Variants in GARNL3 observed in about 807,000 individuals in gnomAD.
GARNL3 encodes the protein GTPase-activating Rap/Ran-GAP domain-like protein 3.
GARNL3 carries 63 observed loss-of-function variants against 125.0 expected under a neutral mutation model. That is an observed-to-expected ratio of 0.50 (90% CI 0.41 to 0.62). GARNL3 has a LOEUF of 0.62. GARNL3 is among the 20% of genes least tolerant of loss of function. The pLI is 0.00. For missense variants in GARNL3, 994 were observed against 1,244.0 expected (o/e 0.80, Z 3.02); for synonymous variants, 439 against 457.5 (o/e 0.96, Z 0.52).
At chr9:127,241,205 C>G (rs922653119) in intron 1 of GARNL3, among the ~76,000 whole-genome samples, 1 of 152,164 alleles carries the variant, frequency 6.6e-6, no homozygotes, top group East Asian at 1.9e-4. Context: ...CCTGCTTCCT[C>G]CACTCCCTCA....
chr9:127,352,758 C>G (rs1019195048), intron 17 of GARNL3, among the ~76,000 whole-genome samples: 1 of 152,174 alleles, frequency 6.6e-6, no homozygotes, highest in Non-Finnish European at 1.5e-5. Context: ...GGTGAAAGCT[C>G]TGCTCCCTCC....
intron 13 of GARNL3, among the ~76,000 whole-genome samples, chr9:127,341,323 G>A (rs563464828): frequency 3.3e-5 from 5 of 152,186 alleles, no homozygotes; most frequent in Admixed American, 1.3e-4. Context: ...CAAGTGAGGC[G>A]GGCTGAGTGG....
At chr9:127,253,159 T>G (rs560479501) in intron 2 of GARNL3, among the ~76,000 whole-genome samples, 1 of 152,180 alleles carries the variant, frequency 6.6e-6, no homozygotes, top group Non-Finnish European at 1.5e-5. Context: ...CTCATGGGCT[T>G]GACCCTACAG....
Position 127,280,149 on chromosome 9 carries a change from G to T in GARNL3, c.145-11019G>T, listed in dbSNP as rs112641202. On this transcript the variant is annotated intron_variant, in intron 1 of 27. Transcript: ENST00000373387. This position sits in a 1 kb window ranked among gnomAD's most constrained non-coding sequence, Gnocchi z 4.5. Reference sequence around the variant, plus strand: ...AGCCTGAGAAAATGCCAGCTGTCTAGATCAAAAAACAGGATGCAGATTGTG... The same window carrying T: ...AGCCTGAGAAAATGCCAGCTGTCTATATCAAAAAACAGGATGCAGATTGTG... 6.6e-6 allele frequency among the ~76,000 whole-genome samples: 1 copy of T among 152,192 alleles called. No individual in the cohort carries two copies. Among genetic ancestry groups the T allele is most frequent in the Admixed American group, 6.5e-5 (1 of 15,284 alleles).
In GARNL3 at chr9:127,305,075, C is replaced by T. The variant is rs376069416; in HGVS notation, c.220-6561C>T. Among the ~76,000 whole-genome samples, 115 of 152,254 alleles carry T rather than the reference C, an allele frequency of 7.6e-4. 1 individual carries two copies. Among genetic ancestry groups the T allele is most frequent in the African/African-American group, 2.7e-3 (113 of 41,554 alleles). ...TCGTAACGCTCAAGAGCAGGTAAAA[C>T]GAATCCATGGTGATAGAAGTTAGGA... On this transcript the variant is annotated intron_variant, in intron 2 of 27. Coordinates refer to ENST00000373387, the MANE Select transcript of GARNL3 (RefSeq NM_032293.5).
At chr9:127,311,844 C>T (rs777235839) in intron 3 of GARNL3, 109 bp downstream of exon 3, 1 of 698,670 alleles carries the variant, frequency 1.4e-6, no homozygotes, top group Non-Finnish European at 2.5e-6. Flanking sequence ...TTTAGGAACA[C>T]TAACATCAGG....
intron 2 of GARNL3, among the ~76,000 whole-genome samples, chr9:127,244,716 A>C (rs1320840854): frequency 6.6e-6 from 1 of 152,248 alleles, no homozygotes; most frequent in Non-Finnish European, 1.5e-5. Context: ...GCTCTTATGC[A>C]CTGAAGAAGT....
upstream of GARNL3, among the ~76,000 whole-genome samples, chr9:127,260,674 T>C (rs2063571751): frequency 6.6e-6 from 1 of 152,208 alleles, no homozygotes; most frequent in Admixed American, 6.5e-5. Flanking sequence ...TCATAACCAC[T>C]GGGCATGGCT....
intron 1 of GARNL3, among the ~76,000 whole-genome samples, chr9:127,274,000 G>A (rs1372705167): frequency 2.0e-5 from 3 of 152,130 alleles, no homozygotes; most frequent in Non-Finnish European, 2.9e-5. Flanking sequence ...TGTTCTGAGT[G>A]TGCTCAGTAT....
intron 1 of GARNL3, among the ~76,000 whole-genome samples, chr9:127,278,563 A>G (rs186910227): frequency 1.3e-5 from 2 of 152,338 alleles, no homozygotes; most frequent in African/African-American, 4.8e-5. Flanking sequence ...CACAAGAACA[A>G]CTTTACCTGC....
At chr9:127,230,758 C>T (rs932294320) in intron 1 of GARNL3, among the ~76,000 whole-genome samples, 1 of 151,572 alleles carries the variant, frequency 6.6e-6, no homozygotes, top group African/African-American at 2.4e-5. Flanking sequence ...TTTCCTCCTC[C>T]CCTGCCCTCA....
chr9:127,325,149 A>G (rs2065529393), intron 7 of GARNL3, 54 bp downstream of exon 7: 5 of 1,548,616 alleles, frequency 3.2e-6, no homozygotes, highest in Non-Finnish European at 3.6e-6. Context: ...GTTTGTAAAT[A>G]TATTTCTCCT....
intron 5 of GARNL3, among the ~76,000 whole-genome samples, chr9:127,318,568 A>T (rs898141601): frequency 1.3e-5 from 2 of 152,206 alleles, no homozygotes; most frequent in African/African-American, 4.8e-5. Context: ...AGAAACCCAG[A>T]TGTCAGCAAA....
chr9:127,355,333 G>A lies in GARNL3; in HGVS notation c.1796G>A (p.Arg599Lys), dbSNP rs1378273342. 5 of 1,614,062 alleles carry A rather than the reference G, an allele frequency of 3.1e-6. No individual in the cohort carries two copies. In the East Asian group the frequency reaches 1.1e-4, roughly 36 times the overall value. ...HLYAINTHHS[R>K]ELRIVVAIRN... ...TATGCTATTAACACTCACCACAGCA[G>A]AGAGCTGAGGATTGTGGTTGCAATT... The change falls in exon 20 of 28, where the codon AGA (arginine) becomes AAA (lysine). Residue 599 changes from arginine (R) to lysine (K), a missense_variant. Physicochemically the swap from Arg to Lys is conservative, Grantham distance 26 (BLOSUM62 2). This residue lies in a region of GARNL3 where 728 missense variants were observed against 865.7 expected (regional missense o/e 0.84). Coordinates refer to ENST00000373387, the MANE Select transcript of GARNL3 (RefSeq NM_032293.5).
chr9:127,298,838 A>T (rs1192778035), intron 2 of GARNL3, among the ~76,000 whole-genome samples: 1 of 152,178 alleles, frequency 6.6e-6, no homozygotes, highest in African/African-American at 2.4e-5. Flanking sequence ...TTCAACCACA[A>T]ATTTATTAGA....
intron 2 of GARNL3, among the ~76,000 whole-genome samples, chr9:127,243,558 T>C (rs909480407): frequency 6.6e-5 from 10 of 152,240 alleles, no homozygotes; most frequent in African/African-American, 1.9e-4. Context: ...AAATAAATAC[T>C]AGCAATTTGT....
chr9:127,301,725 A>C (rs2064793955), intron 2 of GARNL3, among the ~76,000 whole-genome samples: 1 of 152,040 alleles, frequency 6.6e-6, no homozygotes, highest in African/African-American at 2.4e-5. Context: ...CCCACTAAGC[A>C]GCTTTATTTT....
intron 1 of GARNL3, among the ~76,000 whole-genome samples, chr9:127,279,721 AT>A (rs1321030162): frequency 6.6e-6 from 1 of 151,920 alleles, no homozygotes; most frequent in African/African-American, 2.4e-5. Flanking sequence ...AGTTTTCAGG[AT>A]TATGTGTAGC....
At chr9:127,369,136 A>AG (rs899630128) in intron 22 of GARNL3, 2 of 149,782 alleles carry the variant, frequency 1.3e-5, no homozygotes, top group Admixed American at 6.7e-5. Context: ...AAAAAAAAAA[A>AG]GAACCAAGCT....
Sources: allele counts gnomAD v4.1 joint callset (sites outside exome capture counted in the v4.1 genomes callset), GRCh38; gene constraint gnomAD v4.1.1; regional missense constraint gnomAD v4.1.1; non-coding constraint Gnocchi (gnomAD v3.1); transcripts MANE v1.5; gene names NCBI Gene and HGNC (gene_info 2026-07-23, HGNC 2026-07-21).